Variants in MYLK observed in about 807,000 individuals in gnomAD.
The protein encoded by MYLK is myosin light chain kinase, smooth muscle.
A neutral mutation model predicts 203.4 loss-of-function variants in MYLK; 106 were observed. That is an observed-to-expected ratio of 0.52 (90% CI 0.45 to 0.61). The LOEUF (loss-of-function observed/expected upper bound fraction) is 0.61. MYLK is among the 20% of genes least tolerant of loss of function. The pLI is 0.00. For synonymous variants in MYLK, 867 were observed against 959.5 expected, an observed-to-expected ratio of 0.90 and a Z score of 1.78; for missense variants, 2,072 against 2,442.3, an observed-to-expected ratio of 0.85 and a Z score of 3.20.
intron 19 of MYLK, among the ~76,000 whole-genome samples, chr3:123,688,605 AT>A (rs1402446622): frequency 6.6e-6 from 1 of 151,582 alleles, no homozygotes; most frequent in Admixed American, 6.6e-5. Context: ...ATAAAATCTC[AT>A]TTTTTTTGTC....
chr3:123,757,195 A>G (rs2063384053), intron 4 of MYLK, among the ~76,000 whole-genome samples: 1 of 152,226 alleles, frequency 6.6e-6, no homozygotes, highest in Non-Finnish European at 1.5e-5. Flanking sequence ...GTTTTTCTCT[A>G]ACATATATCA....
intron 13 of MYLK, among the ~76,000 whole-genome samples, chr3:123,714,364 T>C (rs2061821539): frequency 6.6e-6 from 1 of 152,152 alleles, no homozygotes; most frequent in African/African-American, 2.4e-5. Context: ...TCATCCATAT[T>C]CATGTCCAGA....
chr3:123,647,200 C>T lies in MYLK; in HGVS notation c.4619+24G>A, dbSNP rs373678894. 3.6e-4 allele frequency: 580 copies of T among 1,612,040 alleles called. 1 individual carries two copies. The highest frequency in any genetic ancestry group is 4.4e-4 in the Non-Finnish European group (517 of 1,178,856). ...GTTTGGGGGCTCCCTGTGGTGCCCACGCTGCTGGCAGTGGGCCACTCACAT... is the reference window on the plus strand; with the variant it reads ...GTTTGGGGGCTCCCTGTGGTGCCCATGCTGCTGGCAGTGGGCCACTCACAT... On this transcript the variant is annotated intron_variant, in intron 27 of 33. Coordinates refer to ENST00000360304, the MANE Select transcript of MYLK (RefSeq NM_053025.4).
At chr3:123,764,803 C>T (rs937439179) in intron 4 of MYLK, among the ~76,000 whole-genome samples, 7 of 152,292 alleles carry the variant, frequency 4.6e-5, no homozygotes, top group Middle Eastern at 3.4e-3. Context: ...AGCTTCACTT[C>T]GCAACCCAGG....
At chr3:123,760,547 T>C (rs1050156745) in intron 4 of MYLK, among the ~76,000 whole-genome samples, 3 of 152,208 alleles carry the variant, frequency 2.0e-5, no homozygotes, top group Non-Finnish European at 2.9e-5. Context: ...GGTTAGACTT[T>C]TCCTCTCTTC....
At position 123,700,949 on chromosome 3, in the gene MYLK, C is replaced by G; in HGVS notation, c.2519G>C (p.Gly840Ala). 6.2e-7 allele frequency: 1 copy of G among 1,610,500 alleles called. No individual in the cohort carries two copies. Residue 840 changes from glycine to alanine, a missense_variant, in exon 18 of 34, where the codon GGT (glycine) becomes GCT (alanine). By Grantham distance (60) the Gly-to-Ala change is moderately conservative. Coordinates refer to ENST00000360304, the MANE Select transcript of MYLK (RefSeq NM_053025.4). ...GGACCCATAGCGGTCACTACCACCA[C>G]CATCAGCACCAACTCCTCCACCACA... ...DLCGGGVGAD[G>A]GGSDRYGSLR... is the part of the protein sequence containing the mutation.
intron 12 of MYLK, among the ~76,000 whole-genome samples, chr3:123,724,954 AG>A (rs2062228326): frequency 6.6e-6 from 1 of 152,084 alleles, no homozygotes; most frequent in Non-Finnish European, 1.5e-5. Flanking sequence ...CATGTTGGCC[AG>A]GCTGGTCTCG....
At chr3:123,762,296 T>C (rs990461748) in intron 4 of MYLK, among the ~76,000 whole-genome samples, 7 of 152,168 alleles carry the variant, frequency 4.6e-5, no homozygotes, top group Admixed American at 3.9e-4. Flanking sequence ...GTGGCAGATC[T>C]TGGCTCACTG....
chr3:123,761,381 A>G (rs910093756), intron 4 of MYLK, among the ~76,000 whole-genome samples: 1 of 152,242 alleles, frequency 6.6e-6, no homozygotes, highest in African/African-American at 2.4e-5. Context: ...ACGTTGGGTC[A>G]GAATCCACCA....
intron 33 of MYLK, chr3:123,616,786 T>A (rs1033501076): frequency 1.3e-5 from 2 of 152,184 alleles, no homozygotes; most frequent in African/African-American, 4.8e-5. Context: ...TCACTTGCCA[T>A]GTGACATGCC....
intron 20 of MYLK, among the ~76,000 whole-genome samples, chr3:123,671,064 T>C (rs570863915): frequency 1.3e-5 from 2 of 152,336 alleles, no homozygotes; most frequent in East Asian, 3.9e-4. Flanking sequence ...TCAAGATCCA[T>C]GCAGAAAAGA....
chr3:123,715,025 G>C (rs2061843823), intron 13 of MYLK, among the ~76,000 whole-genome samples: 1 of 152,182 alleles, frequency 6.6e-6, no homozygotes, highest in Non-Finnish European at 1.5e-5. Context: ...GTGAGGAAGA[G>C]AGAGGGGGAA....
At chr3:123,817,117 G>A (rs763333655) in intron 3 of MYLK, among the ~76,000 whole-genome samples, 1 of 152,122 alleles carries the variant, frequency 6.6e-6, no homozygotes, top group Non-Finnish European at 1.5e-5. Context: ...AAAAGAGATG[G>A]GTGCAATAAA....
At chr3:123,694,941 C>T (rs1298288335) in intron 18 of MYLK, among the ~76,000 whole-genome samples, 1 of 152,182 alleles carries the variant, frequency 6.6e-6, no homozygotes, top group Non-Finnish European at 1.5e-5. Flanking sequence ...GAAGCCTCAG[C>T]CTGGTGGGGA....
chr3:123,860,994 G>A (rs1277413287), intron 2 of MYLK, among the ~76,000 whole-genome samples: 1 of 152,092 alleles, frequency 6.6e-6, no homozygotes, highest in Admixed American at 6.5e-5. Context: ...GCCGGGCATG[G>A]TGGCGGGCGC....
chr3:123,760,495 C>A (rs7621317), intron 4 of MYLK, among the ~76,000 whole-genome samples: 149,401 of 152,370 alleles, frequency 0.98, 73,328 homozygotes, highest in Middle Eastern at 1. Flanking sequence ...TTATAATTAA[C>A]TGAGATAGCA....
intron 4 of MYLK, among the ~76,000 whole-genome samples, chr3:123,785,907 T>G (rs977313755): frequency 6.6e-6 from 1 of 152,234 alleles, no homozygotes; most frequent in East Asian, 1.9e-4. Context: ...AGTGGGTAGG[T>G]ATCCTATTGG....
rs565319198 is a variant in MYLK at position 123,819,591 on chromosome 3, T to C, written c.-4+11957A>G. 7.9e-5 allele frequency among the ~76,000 whole-genome samples: 12 copies of C among 152,320 alleles called. No individual in the cohort carries two copies. In the South Asian group the frequency reaches 1.0e-3, roughly 13 times the overall value. On this transcript the variant is annotated intron_variant, in intron 3 of 33. Coordinates refer to ENST00000360304, the MANE Select transcript of MYLK (RefSeq NM_053025.4). Reference sequence around the variant, plus strand: ...TATTAGCAAAAGCCTATAGAAAAGATAGTGGCAAAATAAACTCCTTTCCCA... The same window carrying C: ...TATTAGCAAAAGCCTATAGAAAAGACAGTGGCAAAATAAACTCCTTTCCCA...
chr3:123,730,085 C>T (rs2062424384), intron 11 of MYLK, among the ~76,000 whole-genome samples: 3 of 151,870 alleles, frequency 2.0e-5, no homozygotes, highest in East Asian at 1.9e-4. Context: ...AAAAATTAGC[C>T]GAGTGTGGTG....
Sources: gnomAD v4.1 joint callset for allele counts (sites outside exome capture counted in the v4.1 genomes callset) on GRCh38, gnomAD v4.1.1 for gene constraint, MANE v1.5 for transcripts, NCBI Gene and HGNC (gene_info 2026-07-23, HGNC 2026-07-21) for gene names.